The following CREBBP variants were observed in gnomAD, a reference collection of about 807,000 sequenced individuals.
CREBBP encodes the protein CREB-binding protein.
In CREBBP, 19 loss-of-function variants were observed where a neutral mutation model predicts 265.0. That is an observed-to-expected ratio of 0.07 (90% CI 0.05 to 0.11). The LOEUF is 0.11. Ranked by LOEUF, CREBBP falls within the 10% of genes least tolerant of loss-of-function variation. The pLI is 1.00. For synonymous variants in CREBBP, 1,457 were observed against 1,223.7 expected, an observed-to-expected ratio of 1.19 and a Z score of -3.98; for missense variants, 2,525 against 3,219.0, an observed-to-expected ratio of 0.78 and a Z score of 5.22.
At chr16:3,871,596 G>C (rs1443329438) in intron 1 of CREBBP, among the ~76,000 whole-genome samples, 1 of 152,148 alleles carries the variant, frequency 6.6e-6, no homozygotes, top group African/African-American at 2.4e-5. Context: ...TGTTGTACAA[G>C]CCTTCTCTAC....
At chr16:3,875,247 T>C (rs2141598426) in intron 1 of CREBBP, among the ~76,000 whole-genome samples, 1 of 152,342 alleles carries the variant, frequency 6.6e-6, no homozygotes, top group African/African-American at 2.4e-5. Context: ...TGCACATGAC[T>C]TGTCCTTGCC....
At chr16:3,752,715 A>G (rs893002279) in intron 19 of CREBBP, among the ~76,000 whole-genome samples, 2 of 152,234 alleles carry the variant, frequency 1.3e-5, no homozygotes, top group Non-Finnish European at 2.9e-5. Flanking sequence ...ATCATTCATC[A>G]ATCTGAAAGA....
intron 20 of CREBBP, 72 bp from the exon 21 acceptor site, chr16:3,749,755 G>T: frequency 1.0e-6 from 1 of 988,442 alleles, no homozygotes; most frequent in Non-Finnish European, 1.5e-6. Context: ...TAGGGTCTCT[G>T]GAATGTTATT....
chr16:3,802,270 T>TA (rs1367460700), intron 3 of CREBBP, among the ~76,000 whole-genome samples: 2 of 151,642 alleles, frequency 1.3e-5, no homozygotes, highest in East Asian at 1.9e-4. Flanking sequence ...TAGCTGGACT[T>TA]ACAGACGTGT....
intron 1 of CREBBP, among the ~76,000 whole-genome samples, chr16:3,871,013 G>T (rs1300666722): frequency 1.3e-5 from 2 of 150,192 alleles, no homozygotes; most frequent in African/African-American, 4.9e-5. Context: ...TAAAGAAGGG[G>T]AGGGGAAGGG....
intron 19 of CREBBP, among the ~76,000 whole-genome samples, chr16:3,755,578 G>A (rs777740021): frequency 1.3e-5 from 2 of 152,198 alleles, no homozygotes; most frequent in Non-Finnish European, 2.9e-5. Context: ...TCACAGACAA[G>A]GCTAAGCTTA....
Position 3,740,488 on chromosome 16 carries a change from G to A in CREBBP, c.4044C>T (p.Arg1348=). Reference sequence around the variant, plus strand: ...CCTCCCCGGCTTCAGGGTGATTCTGGCGCCGCAAAAATTTGTTCACTCGGT... The same window carrying A: ...CCTCCCCGGCTTCAGGGTGATTCTGACGCCGCAAAAATTTGTTCACTCGGT... The part of the protein sequence containing the change: ...LEDRVNKFLR[R]QNHPEAGEVF... Residue 1348 remains arginine (R), a synonymous_variant, in exon 24 of 31, where the codon CGC becomes CGT. Transcript: ENST00000262367. 1 of 1,614,150 alleles carries A rather than the reference G, an allele frequency of 6.2e-7. No individual in the cohort carries two copies. The highest frequency in any genetic ancestry group is 8.5e-7 in the Non-Finnish European group (1 of 1,180,016).
At chr16:3,789,883 T>TAA (rs111646959) in intron 5 of CREBBP, among the ~76,000 whole-genome samples, 3 of 144,558 alleles carry the variant, frequency 2.1e-5, no homozygotes, top group African/African-American at 7.5e-5. Context: ...AAGGATGGTT[T>TAA]AAAAAAAAAA....
intron 5 of CREBBP, among the ~76,000 whole-genome samples, chr16:3,791,701 T>C (rs929757167): frequency 1.2e-4 from 18 of 152,242 alleles, no homozygotes; most frequent in Non-Finnish European, 1.9e-4. Context: ...GTGAACAAAG[T>C]GACTCTGCTG....
intron 1 of CREBBP, among the ~76,000 whole-genome samples, chr16:3,878,876 A>C (rs900849229): frequency 5.9e-5 from 9 of 152,238 alleles, no homozygotes; most frequent in Non-Finnish European, 1.5e-5. Flanking sequence ...ACCCAGAATT[A>C]CTGAATTAAT....
intron 19 of CREBBP, among the ~76,000 whole-genome samples, chr16:3,754,431 C>T (rs866041715): frequency 4.6e-5 from 7 of 152,164 alleles, no homozygotes; most frequent in African/African-American, 1.2e-4. Context: ...TCAACTTAAG[C>T]GCCTAGATGA....
intron 1 of CREBBP, among the ~76,000 whole-genome samples, chr16:3,871,042 A>C (rs1447043293): frequency 3.3e-5 from 5 of 151,658 alleles, no homozygotes; most frequent in Admixed American, 1.3e-4. Flanking sequence ...AGGAAGGAAA[A>C]GAAAGAAAGA....
intron 2 of CREBBP, among the ~76,000 whole-genome samples, chr16:3,822,717 C>A (rs767488729): frequency 2.4e-4 from 37 of 152,200 alleles, no homozygotes; most frequent in Admixed American, 8.5e-4. Flanking sequence ...ATATTGTTAT[C>A]AAAAATATGT....
chr16:3,854,800 TGTCA>T (rs2054924934), intron 1 of CREBBP, among the ~76,000 whole-genome samples: 1 of 152,226 alleles, frequency 6.6e-6, no homozygotes, highest in Non-Finnish European at 1.5e-5. Context: ...CAGTCCCTCT[TGTCA>T]GTCTAGAAAA....
chr16:3,785,218 G>T (rs1457840432), intron 5 of CREBBP, among the ~76,000 whole-genome samples: 1 of 152,158 alleles, frequency 6.6e-6, no homozygotes, highest in Non-Finnish European at 1.5e-5. Flanking sequence ...GTGCTCCATG[G>T]TGGTATTCCC....
chr16:3,747,712 C>G (rs1178251399), intron 21 of CREBBP, among the ~76,000 whole-genome samples: 1 of 152,218 alleles, frequency 6.6e-6, no homozygotes, highest in Non-Finnish European at 1.5e-5. Context: ...CCTGTAATCC[C>G]AGCACTTTGG....
At chr16:3,825,445 T>G (rs1041610669) in intron 2 of CREBBP, among the ~76,000 whole-genome samples, 34 of 152,248 alleles carry the variant, frequency 2.2e-4, no homozygotes, top group African/African-American at 8.0e-4. Flanking sequence ...TATGGAAGTA[T>G]GGCCTTGGAA....
intron 1 of CREBBP, among the ~76,000 whole-genome samples, chr16:3,861,281 TAAATA>T (rs1370413711): frequency 1.3e-5 from 2 of 151,974 alleles, no homozygotes; most frequent in Non-Finnish European, 2.9e-5. Context: ...AAAAAATAAA[TAAATA>T]AAATAAAATA....
chr16:3,818,357 G>A (rs2054079332), intron 2 of CREBBP, among the ~76,000 whole-genome samples: 1 of 148,326 alleles, frequency 6.7e-6, no homozygotes, highest in Admixed American at 6.8e-5. Flanking sequence ...GCCCAGGCTG[G>A]AGTGTAGTGG....
Sources: allele counts gnomAD v4.1 joint callset (sites outside exome capture counted in the v4.1 genomes callset), GRCh38; gene constraint gnomAD v4.1.1; transcripts MANE v1.5; gene names NCBI Gene and HGNC (gene_info 2026-07-23, HGNC 2026-07-21).